TCF7L1: variants seen among roughly 807,000 people sequenced by gnomAD.
The protein encoded by TCF7L1 is transcription factor 7-like 1.
In TCF7L1, 18 loss-of-function variants were observed where a neutral mutation model predicts 63.7. The observed-to-expected ratio is 0.28, with a 90% confidence interval of 0.20 to 0.42. The LOEUF (loss-of-function observed/expected upper bound fraction) is 0.42. Among genes scored for constraint, TCF7L1 ranks in the 10% least tolerant of loss-of-function variants. The pLI is 1.00. For synonymous variants in TCF7L1, 355 were observed against 340.9 expected, an observed-to-expected ratio of 1.04 and a Z score of -0.46; for missense variants, 654 against 779.3, an observed-to-expected ratio of 0.84 and a Z score of 1.91.
intron 3 of TCF7L1, among the ~76,000 whole-genome samples, chr2:85,217,923 C>T (rs1473177653): frequency 6.6e-6 from 1 of 152,112 alleles, no homozygotes; most frequent in Non-Finnish European, 1.5e-5. Flanking sequence ...TAGGGATGCT[C>T]AACTTGTACT....
At chr2:85,215,107 G>A (rs976048405) in intron 3 of TCF7L1, among the ~76,000 whole-genome samples, 1 of 152,100 alleles carries the variant, frequency 6.6e-6, no homozygotes, top group Non-Finnish European at 1.5e-5. Flanking sequence ...AGATTCCTGG[G>A]GCATCAAGGT....
chr2:85,198,723 T>C (rs971274248), intron 3 of TCF7L1, among the ~76,000 whole-genome samples: 3 of 152,022 alleles, frequency 2.0e-5, no homozygotes, highest in Non-Finnish European at 4.4e-5. Context: ...TAGCTGGGTG[T>C]GGTGGCACAC....
At chr2:85,141,371 G>A (rs967855133) in intron 3 of TCF7L1, among the ~76,000 whole-genome samples, 1 of 152,200 alleles carries the variant, frequency 6.6e-6, no homozygotes, top group African/African-American at 2.4e-5. Context: ...TTAGCTCAGT[G>A]CTTCCCAAAT....
intron 6 of TCF7L1, 120 bp downstream of exon 6, chr2:85,304,117 T>G: frequency 8.4e-7 from 1 of 1,183,570 alleles, no homozygotes; most frequent in Non-Finnish European, 1.2e-6. Flanking sequence ...TAGGCCTCCC[T>G]GCCCCCGCCC....
intron 4 of TCF7L1, among the ~76,000 whole-genome samples, chr2:85,286,453 G>T (rs1681556038): frequency 6.6e-6 from 1 of 152,130 alleles, no homozygotes; most frequent in South Asian, 2.1e-4. Flanking sequence ...AAGGAGGGAG[G>T]ATTGCTTGAG....
chr2:85,185,342 C>T (rs1678893125), intron 3 of TCF7L1, among the ~76,000 whole-genome samples: 1 of 151,972 alleles, frequency 6.6e-6, no homozygotes, highest in African/African-American at 2.4e-5. Flanking sequence ...ACTGTAGCCT[C>T]AAACTCCTAG....
chr2:85,192,295 CA>C (rs1679051045), intron 3 of TCF7L1, among the ~76,000 whole-genome samples: 1 of 152,234 alleles, frequency 6.6e-6, no homozygotes, highest in South Asian at 2.1e-4. Context: ...CCCTCTCCCC[CA>C]AACTCAGTCT....
chr2:85,286,191 C>CA (rs1221041124), intron 4 of TCF7L1, among the ~76,000 whole-genome samples: 2,481 of 56,328 alleles, frequency 0.044, 87 homozygotes, highest in African/African-American at 0.11. Flanking sequence ...AACTCCATCT[C>CA]AAAAAAAAAA....
chr2:85,230,615 A>G (rs6751413), intron 3 of TCF7L1, among the ~76,000 whole-genome samples: 12,088 of 152,210 alleles, frequency 0.079, 847 homozygotes, highest in African/African-American at 0.18. Context: ...GATTATAGGC[A>G]TGAGCCACCA....
chr2:85,173,745 T>C (rs1257389013), intron 3 of TCF7L1, among the ~76,000 whole-genome samples: 1 of 151,722 alleles, frequency 6.6e-6, no homozygotes, highest in Non-Finnish European at 1.5e-5. Flanking sequence ...AATTCATTCT[T>C]TTTTTTTCTG....
At chr2:85,161,421 G>C (rs566862968) in intron 3 of TCF7L1, among the ~76,000 whole-genome samples, 2 of 152,360 alleles carry the variant, frequency 1.3e-5, no homozygotes, top group African/African-American at 4.8e-5. Flanking sequence ...GAGAAGCTGG[G>C]CTCTGAGCTG....
intron 3 of TCF7L1, among the ~76,000 whole-genome samples, chr2:85,239,263 C>T (rs1680267435): frequency 6.6e-6 from 1 of 152,206 alleles, no homozygotes; most frequent in East Asian, 1.9e-4. Flanking sequence ...CCTATGCAGT[C>T]GGAGGCCTTC....
At chr2:85,287,223 ACT>A (rs2104372921) in intron 4 of TCF7L1, among the ~76,000 whole-genome samples, 1 of 152,318 alleles carries the variant, frequency 6.6e-6, no homozygotes, top group South Asian at 2.1e-4. Flanking sequence ...CCAAGGCCTG[ACT>A]ACTCTCTGCT....
intron 3 of TCF7L1, among the ~76,000 whole-genome samples, chr2:85,181,349 C>T (rs1304191190): frequency 1.3e-5 from 2 of 152,190 alleles, no homozygotes; most frequent in African/African-American, 4.8e-5. Flanking sequence ...CAAAACAGCC[C>T]CTGGGAAAGG....
intron 3 of TCF7L1, among the ~76,000 whole-genome samples, chr2:85,242,852 T>C (rs1193404220): frequency 1.3e-5 from 2 of 152,256 alleles, no homozygotes; most frequent in African/African-American, 4.8e-5. Context: ...AGCAGATGTT[T>C]TACCTCAGCC....
At chr2:85,307,588 G>C in intron 10 of TCF7L1, 54 bp from the exon 11 acceptor site, 1 of 1,523,578 alleles carries the variant, frequency 6.6e-7, no homozygotes, top group South Asian at 1.1e-5. Flanking sequence ...GAGCCCCTGA[G>C]AAGCCAGCAT....
chr2:85,275,672 G>T (rs1162530071), intron 3 of TCF7L1, among the ~76,000 whole-genome samples: 1 of 152,078 alleles, frequency 6.6e-6, no homozygotes, highest in Non-Finnish European at 1.5e-5. Flanking sequence ...AATGCCAGCA[G>T]AATTGGGAGG....
At chr2:85,257,506 C>T (rs575530183) in intron 3 of TCF7L1, among the ~76,000 whole-genome samples, 2 of 152,296 alleles carry the variant, frequency 1.3e-5, no homozygotes, top group South Asian at 4.1e-4. Context: ...CCAAGTTTGC[C>T]ACTTTGCTCA....
intron 3 of TCF7L1, among the ~76,000 whole-genome samples, chr2:85,136,180 A>G (rs546493105): frequency 1.3e-5 from 2 of 152,316 alleles, no homozygotes; most frequent in South Asian, 4.1e-4. Context: ...TAAAGTCACC[A>G]GAAATGACTA....
Sources: allele counts gnomAD v4.1 joint callset (sites outside exome capture counted in the v4.1 genomes callset), GRCh38; gene constraint gnomAD v4.1.1; transcripts MANE v1.5; gene names NCBI Gene and HGNC (gene_info 2026-07-23, HGNC 2026-07-21).